The following TOR1AIP1 variants were observed in gnomAD, a reference collection of about 807,000 sequenced individuals.
The protein encoded by TOR1AIP1 is torsin-1A-interacting protein 1.
TOR1AIP1 carries 54 observed loss-of-function variants against 63.3 expected under a neutral mutation model. That is an observed-to-expected ratio of 0.85 (90% CI 0.69 to 1.07). TOR1AIP1 has a LOEUF of 1.07. TOR1AIP1 is among the 50% of genes least tolerant of loss of function. TOR1AIP1 has a pLI of 0.00. For synonymous variants in TOR1AIP1, 294 were observed against 273.5 expected, an observed-to-expected ratio of 1.07 and a Z score of -0.74; for missense variants, 736 against 715.0, an observed-to-expected ratio of 1.03 and a Z score of -0.33.
At chr1:179,890,286 CT>C (rs1036673239) in intron 3 of TOR1AIP1, among the ~76,000 whole-genome samples, 115 of 152,186 alleles carry the variant, frequency 7.6e-4, no homozygotes, top group African/African-American at 2.7e-3. Context: ...CTTCATTTTC[CT>C]TGTTTTTTTG....
chr1:179,911,556 A>T (rs1039991734), intron 8 of TOR1AIP1, among the ~76,000 whole-genome samples: 13 of 152,212 alleles, frequency 8.5e-5, no homozygotes, highest in African/African-American at 3.1e-4. Context: ...ATGATTATAG[A>T]GAAGAATATA....
At chr1:179,905,756 C>T (rs1044845290) in intron 6 of TOR1AIP1, among the ~76,000 whole-genome samples, 1 of 152,092 alleles carries the variant, frequency 6.6e-6, no homozygotes, top group Non-Finnish European at 1.5e-5. Flanking sequence ...AGTTTGAGAC[C>T]AGCCTGGCCA....
At chr1:179,912,155 A>G (rs763373440) in intron 8 of TOR1AIP1, among the ~76,000 whole-genome samples, 8 of 151,558 alleles carry the variant, frequency 5.3e-5, no homozygotes, top group Admixed American at 1.3e-4. Context: ...CAGCTTCCCA[A>G]GTAGCTGGTG....
intron 6 of TOR1AIP1, among the ~76,000 whole-genome samples, chr1:179,906,991 C>G (rs1648658305): frequency 6.6e-6 from 1 of 151,642 alleles, no homozygotes; most frequent in Admixed American, 6.6e-5. Context: ...CCTGCCTTGG[C>G]CTCCCAAAGT....
At chr1:179,889,198 C>G in intron 2 of TOR1AIP1, 115 bp from the exon 3 acceptor site, 1 of 710,240 alleles carries the variant, frequency 1.4e-6, no homozygotes, top group Non-Finnish European at 2.1e-6. Flanking sequence ...ACTTCTCTAG[C>G]GTAAATAAAA....
Position 179,882,813 on chromosome 1 carries a change from A to G in TOR1AIP1, c.311A>G (p.Tyr104Cys). Residue 104 changes from tyrosine (Y) to cysteine (C), a missense_variant, in exon 1 of 10, where the codon TAC becomes TGC. Tyr to Cys is a radical substitution (Grantham distance 194, BLOSUM62 -2). Around this residue, in one of 2 missense-constraint regions of TOR1AIP1, gnomAD observed 464 missense variants for 371.0 expected, o/e 1.25. Transcript: ENST00000606911. ...AAAGAGGAAGTGAGAGAAAGCGCGT[A>G]CTACCTTCGGTCTAGGCAGCGGAGG... ...SAKEEVRESA[Y>C]YLRSRQRRQP... 6.2e-7 allele frequency: 1 copy of G among 1,614,202 alleles called. No individual in the cohort carries two copies. The highest frequency in any genetic ancestry group is 8.5e-7 in the Non-Finnish European group (1 of 1,180,028).
At chr1:179,897,892 G>A (rs1648336197) in intron 3 of TOR1AIP1, among the ~76,000 whole-genome samples, 1 of 152,172 alleles carries the variant, frequency 6.6e-6, no homozygotes, top group Admixed American at 6.6e-5. Flanking sequence ...GAGCTCAAGA[G>A]TTCGAGACCA....
At chr1:179,910,327 C>T (rs2148481147) in intron 8 of TOR1AIP1, among the ~76,000 whole-genome samples, 1 of 152,238 alleles carries the variant, frequency 6.6e-6, no homozygotes, top group African/African-American at 2.4e-5. Flanking sequence ...ATGTAAAAAT[C>T]CACATCTTAT....
chr1:179,917,959 T>A lies in TOR1AIP1; in HGVS notation c.1472T>A (p.Ile491Asn). The A allele has an allele frequency of 6.2e-7, 1 of 1,614,228 alleles. No homozygotes were observed. The highest frequency in any genetic ancestry group is 8.5e-7 in the Non-Finnish European group (1 of 1,180,024). ...FESFPAGSTL[I>N]FYKYCDHENA... ...TCATTTCCCGCAGGCTCTACTTTGA[T>A]CTTCTACAAATATTGTGACCATGAA... Residue 491 changes from isoleucine to asparagine, a missense_variant, in exon 10 of 10, where the codon ATC becomes AAC. By Grantham distance (149) the Ile-to-Asn change is moderately radical. Around this residue, in one of 2 missense-constraint regions of TOR1AIP1, gnomAD observed 272 missense variants for 344.1 expected, o/e 0.79. Transcript: ENST00000606911.
chr1:179,904,397 T>C (rs1400052071), intron 6 of TOR1AIP1, among the ~76,000 whole-genome samples: 3 of 152,230 alleles, frequency 2.0e-5, no homozygotes, highest in Admixed American at 6.5e-5. Context: ...ATTTCAACTC[T>C]GTTGTAAAAG....
At chr1:179,899,156 C>A (rs1319143155) in intron 3 of TOR1AIP1, among the ~76,000 whole-genome samples, 1 of 152,080 alleles carries the variant, frequency 6.6e-6, no homozygotes, top group Admixed American at 6.5e-5. Flanking sequence ...GAAATTTTCT[C>A]AGCTTTGTTG....
chr1:179,906,951 A>G (rs931716440), intron 6 of TOR1AIP1, among the ~76,000 whole-genome samples: 2 of 151,342 alleles, frequency 1.3e-5, no homozygotes, highest in Admixed American at 1.3e-4. Context: ...GTTAGCCAGG[A>G]TGGTCTCGAT....
chr1:179,899,896 C>T (rs1648395501), intron 3 of TOR1AIP1, among the ~76,000 whole-genome samples: 1 of 152,188 alleles, frequency 6.6e-6, no homozygotes, highest in Non-Finnish European at 1.5e-5. Context: ...CCACCCACCT[C>T]GGCCTCCCAA....
In TOR1AIP1 at chr1:179,882,652, G is replaced by C; in HGVS notation, c.150G>C (p.Ser50=). The C allele has an allele frequency of 1.3e-6, 2 of 1,577,988 alleles. No homozygotes were observed. The highest frequency in any genetic ancestry group is 1.7e-6 in the Non-Finnish European group (2 of 1,162,214). ...SDAPAYRTPP[S]RQGRREVRFS... ...CGCCTGCGTACAGAACTCCTCCGTC[G>C]CGCCAGGGCCGGCGGGAAGTGAGGT... Residue 50 remains serine (S), a synonymous_variant, in exon 1 of 10, where the codon TCG becomes TCC. Coordinates refer to ENST00000606911, the MANE Select transcript of TOR1AIP1 (RefSeq NM_015602.4).
intron 5 of TOR1AIP1, among the ~76,000 whole-genome samples, chr1:179,903,492 C>T (rs2148477929): frequency 6.6e-6 from 1 of 150,968 alleles, no homozygotes; most frequent in Non-Finnish European, 1.5e-5. Context: ...TGACATGACT[C>T]TTTAGAAACT....
At chr1:179,906,339 C>T (rs1418885466) in intron 6 of TOR1AIP1, among the ~76,000 whole-genome samples, 1 of 152,122 alleles carries the variant, frequency 6.6e-6, no homozygotes, top group Non-Finnish European at 1.5e-5. Flanking sequence ...TTAAATTAAG[C>T]ATTTCTAGAA....
intron 5 of TOR1AIP1, 82 bp from the exon 6 acceptor site, chr1:179,903,884 A>G: frequency 1.0e-6 from 1 of 969,054 alleles, no homozygotes; most frequent in Non-Finnish European, 1.5e-6. Flanking sequence ...TGCTCTTTTT[A>G]TTAATTTCTC....
chr1:179,905,645 A>G (rs1648606923), intron 6 of TOR1AIP1, among the ~76,000 whole-genome samples: 1 of 152,104 alleles, frequency 6.6e-6, no homozygotes, highest in Admixed American at 6.5e-5. Flanking sequence ...AAATGATATT[A>G]TACCCATGCA....
chr1:179,902,048 C>T (rs1202248260), intron 5 of TOR1AIP1, among the ~76,000 whole-genome samples: 1 of 121,736 alleles, frequency 8.2e-6, no homozygotes, highest in African/African-American at 3.2e-5. Flanking sequence ...TTTTTTAAGG[C>T]AGAGTCTCAC....
Sources: gnomAD v4.1 joint callset for allele counts (sites outside exome capture counted in the v4.1 genomes callset) on GRCh38, gnomAD v4.1.1 for gene constraint, gnomAD v4.1.1 regional missense constraint, MANE v1.5 for transcripts, NCBI Gene and HGNC (gene_info 2026-07-23, HGNC 2026-07-21) for gene names.